LHX9: variants seen among roughly 807,000 people sequenced by gnomAD.
LHX9 encodes the protein LIM homeobox 9.
Under a neutral mutation model 36.5 loss-of-function variants are expected in LHX9, and 9 were observed. The observed-to-expected ratio is 0.25, with a 90% CI of 0.15 to 0.43. The LOEUF is 0.43. LHX9 is among the 20% of genes least tolerant of loss of function. The probability of loss-of-function intolerance (pLI) is 1.00; values close to 1 mark genes in which losing one functional copy is unlikely to be tolerated. For missense variants in LHX9, 464 were observed against 526.4 expected (o/e 0.88, Z 1.16); for synonymous variants, 211 against 212.1 (o/e 0.99, Z 0.04).
intron 3 of LHX9, among the ~76,000 whole-genome samples, chr1:197,922,373 C>A (rs559295601): frequency 6.6e-6 from 1 of 152,318 alleles, no homozygotes; most frequent in East Asian, 1.9e-4. Context: ...GGCCATTCAT[C>A]TATACTCAAC....
chr1:197,919,600 C>G (rs943071049), intron 1 of LHX9, among the ~76,000 whole-genome samples: 5 of 152,222 alleles, frequency 3.3e-5, no homozygotes, highest in Non-Finnish European at 7.3e-5. Flanking sequence ...CTTATCATTT[C>G]CGTTGTTTTA....
chr1:197,924,352 G>A lies in LHX9; in HGVS notation c.733+2693G>A, dbSNP rs1393977188. Among the ~76,000 whole-genome samples, 5 of 152,324 alleles carry A rather than the reference G, an allele frequency of 3.3e-5. No individual in the cohort carries two copies. In the South Asian group the frequency reaches 8.3e-4, roughly 25 times the overall value. Reference sequence around the variant, plus strand: ...TTCAAAATGTGCAGAAAACATGTTTGTGATTCAAAGAATCTCAGAGAAGAT... The same window carrying A: ...TTCAAAATGTGCAGAAAACATGTTTATGATTCAAAGAATCTCAGAGAAGAT... On this transcript the variant is annotated intron_variant, in intron 3 of 4. Transcript: ENST00000367387.
At chr1:197,924,921 A>T in intron 3 of LHX9, among the ~76,000 whole-genome samples, 1 of 43,718 alleles carries the variant, frequency 2.3e-5, no homozygotes, top group African/African-American at 9.9e-5. Flanking sequence ...GAGTGGGGGA[A>T]TCCCCTACAG....
At chr1:197,914,819 T>A (rs551273325), upstream of LHX9, among the ~76,000 whole-genome samples, 1 of 152,292 alleles carries the variant, frequency 6.6e-6, no homozygotes, top group Non-Finnish European at 1.5e-5. Context: ...CAAATGCCAC[T>A]GGATGCAGGA....
At chr1:197,920,244 C>T (rs1659939776) in intron 2 of LHX9, 70 bp downstream of exon 2, 2 of 1,457,376 alleles carry the variant, frequency 1.4e-6, no homozygotes, top group Admixed American at 3.4e-5. Flanking sequence ...AGCCCGGAAT[C>T]CCCTCTCCGT....
At chr1:197,928,539 T>C (rs1460288559) in intron 4 of LHX9, among the ~76,000 whole-genome samples, 3 of 152,200 alleles carry the variant, frequency 2.0e-5, no homozygotes, top group Non-Finnish European at 2.9e-5. Flanking sequence ...ATACCGTGTG[T>C]TGGGCTCACG....
rs1162948759 is a variant in LHX9 at position 197,921,296 on chromosome 1, C to T, written c.378-8C>T. On this transcript the variant is annotated splice_polypyrimidine_tract_variant and splice_region_variant and intron_variant, in intron 2 of 4. Coordinates refer to ENST00000367387, the MANE Select transcript of LHX9 (RefSeq NM_020204.3). This position sits in a 1 kb window ranked among gnomAD's most constrained non-coding sequence, Gnocchi z 4.6. ...AACTAGCGCCCTGACTCAACTCTTTCCTTCCAGAAGGTTCTCTGTGCAGAG... is the reference window on the plus strand; with the variant it reads ...AACTAGCGCCCTGACTCAACTCTTTTCTTCCAGAAGGTTCTCTGTGCAGAG... 6 of 1,605,356 alleles carry T rather than the reference C, an allele frequency of 3.7e-6. No individual in the cohort carries two copies. Among genetic ancestry groups the T allele is most frequent in the South Asian group, 1.1e-5 (1 of 90,018 alleles).
chr1:197,914,400 CA>C (rs1017362491), upstream of LHX9, among the ~76,000 whole-genome samples: 66 of 25,422 alleles, frequency 2.6e-3, no homozygotes, highest in African/African-American at 3.4e-3. Context: ...GAAGGGGGAA[CA>C]TTTTTTTTTT....
In LHX9 at chr1:197,934,778, G is replaced by A. The variant is rs1194402127; in HGVS notation, c.*5519G>A. ...CTGCTTCTAGCCAATGTCAAAAATAGGAAGTTTTTTTAATGGTTTACTGTT... is the reference window on the plus strand; with the variant it reads ...CTGCTTCTAGCCAATGTCAAAAATAAGAAGTTTTTTTAATGGTTTACTGTT... On this transcript the variant is annotated 3_prime_UTR_variant, in exon 5 of 5. Coordinates refer to ENST00000367387, the MANE Select transcript of LHX9 (RefSeq NM_020204.3). The A allele has an allele frequency of 7.3e-6, 1 of 137,224 alleles. No individual in the cohort carries two copies. 8.5% of individuals were successfully genotyped at this position (137,224 alleles called of 1,614,324 possible). A position where few individuals can be genotyped will look rare whatever the true frequency, so the allele number is the denominator to read the frequency against.
chr1:197,930,584 A>T lies in LHX9; in HGVS notation c.*1325A>T, dbSNP rs923490341. On this transcript the variant is annotated 3_prime_UTR_variant, in exon 5 of 5. Transcript: ENST00000367387. ...GATTGTTAAGAATAACTTTGCACAT[A>T]TTTTCCACTTTTTGGACCCCTTAAA... is the stretch of plus-strand genomic sequence containing the variant. 1 of 152,006 alleles carries T rather than the reference A, an allele frequency of 6.6e-6. No individual in the cohort carries two copies. Among genetic ancestry groups the T allele is most frequent in the African/African-American group, 2.4e-5 (1 of 41,448 alleles). 9.4% of individuals were successfully genotyped at this position (152,006 alleles called of 1,614,324 possible).
intron 1 of LHX9, 22 bp downstream of exon 1, chr1:197,918,019 G>A (rs200517180): frequency 5.6e-6 from 9 of 1,603,154 alleles, no homozygotes; most frequent in East Asian, 2.2e-5. Context: ...CTCCGCCGCG[G>A]CGGTAGCCGG....
upstream of LHX9, chr1:197,912,602 G>T (rs776612405): frequency 6.3e-7 from 1 of 1,597,210 alleles, no homozygotes; most frequent in East Asian, 2.2e-5. Flanking sequence ...TCTGCCCCTT[G>T]GGCCAGTGCG....
At chr1:197,917,015 C>G (rs1041892440), upstream of LHX9, among the ~76,000 whole-genome samples, 12 of 152,076 alleles carry the variant, frequency 7.9e-5, 1 homozygote, top group Admixed American at 6.5e-4. Flanking sequence ...GGGTTCTAGG[C>G]CTTCTGCAAC....
At position 197,927,841 on chromosome 1, in the gene LHX9, C is replaced by T. The variant is rs1417018510; in HGVS notation, c.936+48C>T. The T allele has an allele frequency of 3.9e-6, 6 of 1,526,296 alleles. No homozygotes were observed. In the Admixed American group the frequency reaches 1.0e-4, roughly 26 times the overall value. 94.5% of individuals were successfully genotyped at this position (1,526,296 alleles called of 1,614,324 possible). ...TGTGCATACATTTCCCTTCCCCTTCCCAGTAAAAATAGTGCTCTTCCCTGG... is the reference window on the plus strand; with the variant it reads ...TGTGCATACATTTCCCTTCCCCTTCTCAGTAAAAATAGTGCTCTTCCCTGG... On this transcript the variant is annotated intron_variant, in intron 4 of 4. Transcript: ENST00000367387.
chr1:197,931,863 C>A lies in LHX9; in HGVS notation c.*2604C>A. ...TGTAAATCTAAATAGAAATTGCAGA[C>A]CCCTAAAAGCCAAGTTGCTCTGTAG... On this transcript the variant is annotated 3_prime_UTR_variant, in exon 5 of 5. Coordinates refer to ENST00000367387, the MANE Select transcript of LHX9 (RefSeq NM_020204.3). 2.5e-6 allele frequency: 3 copies of A among 1,216,512 alleles called. No homozygotes were observed. The highest frequency in any genetic ancestry group is 2.0e-5 in the Admixed American group (1 of 49,350). The allele number at this position is 1,216,512 out of a possible 1,614,324, so 75.4% of individuals were successfully genotyped here.
chr1:197,926,778 G>A (rs187784821), intron 3 of LHX9, among the ~76,000 whole-genome samples: 150 of 152,148 alleles, frequency 9.9e-4, no homozygotes, highest in African/African-American at 3.1e-3. Context: ...TGTGGGGAGC[G>A]CTTCAGGCGT....
intron 4 of LHX9, 108 bp from the exon 5 acceptor site, chr1:197,928,893 CA>C (rs10664707): frequency 3.2e-3 from 3,269 of 1,013,072 alleles, no homozygotes; most frequent in African/African-American, 9.9e-3. Context: ...AAACCTATAT[CA>C]AAAAAAAAAA....
chr1:197,918,180 A>C (rs1571398497), intron 1 of LHX9, 183 bp downstream of exon 1: 1 of 708,934 alleles, frequency 1.4e-6, no homozygotes, highest in Admixed American at 2.2e-5. Context: ...GTTTTTCTGA[A>C]TCGAAATGTC....
At position 197,930,902 on chromosome 1, in the gene LHX9, C is replaced by T. The variant is rs1660311728; in HGVS notation, c.*1643C>T. ...ATCTTGACTTTTCATACTTCTATTA[C>T]ATTTTGGGCATTTACCACTAACCAG... On this transcript the variant is annotated 3_prime_UTR_variant, in exon 5 of 5. Transcript: ENST00000367387. 2 of 152,080 alleles carry T rather than the reference C, an allele frequency of 1.3e-5. No individual in the cohort carries two copies. Among genetic ancestry groups the T allele is most frequent in the South Asian group, 2.1e-4 (1 of 4,830 alleles). 9.4% of individuals were successfully genotyped at this position (152,080 alleles called of 1,614,324 possible).
Sources: gnomAD v4.1 joint callset for allele counts (sites outside exome capture counted in the v4.1 genomes callset) on GRCh38, gnomAD v4.1.1 for gene constraint, Gnocchi (gnomAD v3.1) non-coding constraint, MANE v1.5 for transcripts, NCBI Gene and HGNC (gene_info 2026-07-23, HGNC 2026-07-21) for gene names.